Variants in PCYT1A observed in about 807,000 individuals in gnomAD.
PCYT1A encodes the protein phosphate cytidylyltransferase 1A, choline.
Under a neutral mutation model 43.7 loss-of-function variants are expected in PCYT1A, and 25 were observed. The observed-to-expected ratio is 0.57, with a 90% CI of 0.42 to 0.80. PCYT1A has a LOEUF of 0.80. Ranked by LOEUF, PCYT1A falls within the 30% of genes least tolerant of loss-of-function variation. The pLI is 0.00. For synonymous variants in PCYT1A, 172 were observed against 170.7 expected (o/e 1.01, Z -0.06); for missense variants, 421 against 474.2 (o/e 0.89, Z 1.04).
In PCYT1A at chr3:196,247,591, C is replaced by T; in HGVS notation, c.335-73G>A. The T allele has an allele frequency of 7.2e-7, 1 of 1,390,584 alleles. No individual in the cohort carries two copies. Among genetic ancestry groups the T allele is most frequent in the South Asian group, 1.2e-5 (1 of 85,882 alleles). The allele number at this position is 1,390,584 out of a possible 1,614,324, so 86.1% of individuals were successfully genotyped here. ...CACCTCCTCAGCCACCGACCTCTCCCATCTTCTCCCACTGCTTAGGACTGC... is the reference window on the plus strand; with the variant it reads ...CACCTCCTCAGCCACCGACCTCTCCTATCTTCTCCCACTGCTTAGGACTGC... On this transcript the variant is annotated intron_variant, in intron 4 of 8. Coordinates refer to ENST00000431016, the MANE Select transcript of PCYT1A (RefSeq NM_001312673.2). The surrounding 1 kb of genome is among the most constrained non-coding windows in gnomAD (Gnocchi z 4.8).
chr3:196,261,387 G>C (rs1167099458), intron 2 of PCYT1A, among the ~76,000 whole-genome samples: 1 of 152,158 alleles, frequency 6.6e-6, no homozygotes, highest in African/African-American at 2.4e-5. Context: ...GGCCAGGTGT[G>C]GTGGCTCACA....
At chr3:196,285,403 G>A (rs998416926) in intron 1 of PCYT1A, among the ~76,000 whole-genome samples, 2 of 152,110 alleles carry the variant, frequency 1.3e-5, no homozygotes, top group East Asian at 1.9e-4. Flanking sequence ...AGGTTGCAGC[G>A]AGCTGGGATC....
rs765952022 is a variant in PCYT1A, at chr3:196,247,732, T to A, written c.335-214A>T. 2 of 682,138 alleles carry A rather than the reference T, an allele frequency of 2.9e-6. No homozygotes were observed. The highest frequency in any genetic ancestry group is 5.4e-6 in the Non-Finnish European group (2 of 372,148). The allele number at this position is 682,138 out of a possible 1,614,324, so 42.3% of individuals were successfully genotyped here. On this transcript the variant is annotated intron_variant, in intron 4 of 8. Coordinates refer to ENST00000431016, the MANE Select transcript of PCYT1A (RefSeq NM_001312673.2). This position sits in a 1 kb window ranked among gnomAD's most constrained non-coding sequence, Gnocchi z 4.8. ...CAACACTCACTAAACAGTATGTTCA[T>A]ACTTTGGAGAAGGGACAGTACAACA... is the stretch of plus-strand genomic sequence containing the variant.
intron 2 of PCYT1A, chr3:196,267,337 A>T (rs1445868010): frequency 2.2e-6 from 1 of 456,192 alleles, no homozygotes; most frequent in Non-Finnish European, 4.4e-6. Flanking sequence ...ATCAGAAAGC[A>T]GATTAGTGGC....
At position 196,237,742 on chromosome 3, in the gene PCYT1A, T is replaced by G. The variant is rs1406032993; in HGVS notation, c.*946A>C. Reference sequence around the variant, plus strand: ...TTACAAAGTATCCTTTGTAAAAGGCTAGGTAATATTAATAGCATTCAAATA... The same window carrying G: ...TTACAAAGTATCCTTTGTAAAAGGCGAGGTAATATTAATAGCATTCAAATA... On this transcript the variant is annotated 3_prime_UTR_variant, in exon 9 of 9. Transcript: ENST00000431016. 1 of 152,190 alleles carries G rather than the reference T, an allele frequency of 6.6e-6. No homozygotes were observed. Among genetic ancestry groups the G allele is most frequent in the Non-Finnish European group, 1.5e-5 (1 of 68,034 alleles). The allele number at this position is 152,190 out of a possible 1,614,324, so 9.4% of individuals were successfully genotyped here.
intron 3 of PCYT1A, chr3:196,251,233 G>T: frequency 5.7e-6 from 1 of 174,974 alleles, no homozygotes; most frequent in Non-Finnish European, 1.2e-5. Flanking sequence ...GATACACCAT[G>T]CTGAGGCTGA....
Position 196,285,878 on chromosome 3 carries a change from G to C in PCYT1A, c.-11+1737C>G, listed in dbSNP as rs969901553. Among the ~76,000 whole-genome samples, 4 of 152,132 alleles carry C rather than the reference G, an allele frequency of 2.6e-5. No individual in the cohort carries two copies. The East Asian group carries it at 7.7e-4, about 29-fold the overall frequency. On this transcript the variant is annotated intron_variant, in intron 1 of 8. Coordinates refer to ENST00000431016, the MANE Select transcript of PCYT1A (RefSeq NM_001312673.2). ...TAAATATCAAGATAAATAGGCTCTGGAGGTCATATCTGCCTTCCTACTTCC... is the reference window on the plus strand; with the variant it reads ...TAAATATCAAGATAAATAGGCTCTGCAGGTCATATCTGCCTTCCTACTTCC...
At chr3:196,244,452 G>A (rs929602742) in intron 5 of PCYT1A, among the ~76,000 whole-genome samples, 4 of 151,100 alleles carry the variant, frequency 2.6e-5, no homozygotes, top group Non-Finnish European at 5.9e-5. Flanking sequence ...CCTCTGCCCG[G>A]CCGCGACCCG....
chr3:196,257,713 A>G (rs1244613507), intron 3 of PCYT1A, 75 bp downstream of exon 3: 1 of 908,874 alleles, frequency 1.1e-6, no homozygotes, highest in Non-Finnish European at 1.8e-6. Flanking sequence ...TATAGAGAGC[A>G]GGTGTGTATT....
At position 196,238,574 on chromosome 3, in the gene PCYT1A, C is replaced by G. The variant is rs528504169; in HGVS notation, c.*114G>C. On this transcript the variant is annotated 3_prime_UTR_variant, in exon 9 of 9. Transcript: ENST00000431016. ...TCCTAGGTCTTCTTTCCCCAGTTGT[C>G]TTTCCTTTGTAGCTGTCCTTAGGTT... 43 of 722,532 alleles carry G rather than the reference C, an allele frequency of 6.0e-5. No individual in the cohort carries two copies. Among genetic ancestry groups the G allele is most frequent in the Non-Finnish European group, 9.4e-5 (43 of 459,640 alleles). 44.8% of individuals were successfully genotyped at this position (722,532 alleles called of 1,614,324 possible).
intron 3 of PCYT1A, among the ~76,000 whole-genome samples, chr3:196,256,500 A>G (rs1420358680): frequency 6.6e-6 from 1 of 152,174 alleles, no homozygotes; most frequent in Non-Finnish European, 1.5e-5. Context: ...AAAAGAAAAA[A>G]AAATTTCCCA....
Position 196,263,867 on chromosome 3 carries a change from C to T in PCYT1A, c.118-5980G>A, listed in dbSNP as rs562133934. ...CAGGATGGTCTCGATCACTTGACCT[C>T]GTGATCCACCCTCCTCGGCCTCCCA... On this transcript the variant is annotated intron_variant, in intron 2 of 8. Transcript: ENST00000431016. Among the ~76,000 whole-genome samples, 4 of 152,128 alleles carry T rather than the reference C, an allele frequency of 2.6e-5. No homozygotes were observed. In the South Asian group the frequency reaches 8.3e-4, roughly 31 times the overall value.
At chr3:196,274,685 C>G (rs1282678103) in intron 1 of PCYT1A, among the ~76,000 whole-genome samples, 3 of 152,146 alleles carry the variant, frequency 2.0e-5, no homozygotes, top group Admixed American at 2.0e-4. Context: ...CTGAGATGTT[C>G]GTCTAAACAA....
rs116439183 is a variant in PCYT1A at position 196,267,368 on chromosome 3, G to A, written c.117+3047C>T. 2.1e-3 allele frequency: 962 copies of A among 454,728 alleles called. 9 individuals carry two copies. Among genetic ancestry groups the A allele is most frequent in the African/African-American group, 0.017 (855 of 50,008 alleles). The allele number at this position is 454,728 out of a possible 1,614,324, so 28.2% of individuals were successfully genotyped here. A position where few individuals can be genotyped will look rare whatever the true frequency, so the allele number is the denominator to read the frequency against. The stretch of plus-strand genomic sequence containing the variant: ...GTGGCTTCCAGAGGCTGGAGAGACT[G>A]GGGGGAAATGGGGAGTGACTGCTAA... On this transcript the variant is annotated intron_variant, in intron 2 of 8. Coordinates refer to ENST00000431016, the MANE Select transcript of PCYT1A (RefSeq NM_001312673.2).
intron 2 of PCYT1A, among the ~76,000 whole-genome samples, chr3:196,260,842 A>C (rs1412691266): frequency 6.6e-6 from 1 of 152,234 alleles, no homozygotes; most frequent in Non-Finnish European, 1.5e-5. Flanking sequence ...TCTGCCTCAA[A>C]AAAACAAAAC....
chr3:196,254,050 G>A (rs995123277), intron 3 of PCYT1A, among the ~76,000 whole-genome samples: 6 of 146,378 alleles, frequency 4.1e-5, no homozygotes, highest in Non-Finnish European at 6.0e-5. Flanking sequence ...TTTTTGAGAC[G>A]GAGTCTCACT....
rs1339634766 is a variant in PCYT1A, at chr3:196,234,834, G to A, written c.*3854C>T. ...TATTTACTTGGAAAAATAGAAGCTAGGGACCACTCTTTATCCGATGGCAGT... is the reference window on the plus strand; with the variant it reads ...TATTTACTTGGAAAAATAGAAGCTAAGGACCACTCTTTATCCGATGGCAGT... On this transcript the variant is annotated 3_prime_UTR_variant, in exon 9 of 9. Transcript: ENST00000431016. 6.6e-6 allele frequency: 1 copy of A among 152,144 alleles called. No homozygotes were observed. Among genetic ancestry groups the A allele is most frequent in the African/African-American group, 2.4e-5 (1 of 41,418 alleles). The allele number at this position is 152,144 out of a possible 1,614,324, so 9.4% of individuals were successfully genotyped here.
intron 1 of PCYT1A, among the ~76,000 whole-genome samples, chr3:196,280,871 C>G (rs1725750284): frequency 6.6e-6 from 1 of 152,168 alleles, no homozygotes; most frequent in African/African-American, 2.4e-5. Context: ...CTGTGGGTAA[C>G]TGAAACCACG....
At position 196,239,527 on chromosome 3, in the gene PCYT1A, T is replaced by C; in HGVS notation, c.897+20A>G. On this transcript the variant is annotated intron_variant, in intron 8 of 8. Coordinates refer to ENST00000431016, the MANE Select transcript of PCYT1A (RefSeq NM_001312673.2). Reference sequence around the variant, plus strand: ...CCACAACATGGAACTCCCTACATTGTCCAGTGGGAAAGAACATACCAGTGC... The same window carrying C: ...CCACAACATGGAACTCCCTACATTGCCCAGTGGGAAAGAACATACCAGTGC... 1 of 1,529,862 alleles carries C rather than the reference T, an allele frequency of 6.5e-7. No homozygotes were observed. The highest frequency in any genetic ancestry group is 9.1e-7 in the Non-Finnish European group (1 of 1,104,258). 94.8% of individuals were successfully genotyped at this position (1,529,862 alleles called of 1,614,324 possible). A position where few individuals can be genotyped will look rare whatever the true frequency, so the allele number is the denominator to read the frequency against.
Sources: allele counts gnomAD v4.1 joint callset (sites outside exome capture counted in the v4.1 genomes callset), GRCh38; gene constraint gnomAD v4.1.1; non-coding constraint Gnocchi (gnomAD v3.1); transcripts MANE v1.5; gene names NCBI Gene and HGNC (gene_info 2026-07-23, HGNC 2026-07-21).